Variants in CSGALNACT1 observed in about 807,000 individuals in gnomAD.
The protein encoded by CSGALNACT1 is chondroitin sulfate N-acetylgalactosaminyltransferase 1.
Under a neutral mutation model 51.0 loss-of-function variants are expected in CSGALNACT1, and 52 were observed. The observed-to-expected ratio is 1.02, with a 90% CI of 0.82 to 1.29. CSGALNACT1 has a LOEUF of 1.29. Among genes scored for constraint, CSGALNACT1 ranks in the 50% most tolerant of loss-of-function variants. CSGALNACT1 has a pLI of 0.00. For synonymous variants in CSGALNACT1, 341 were observed against 254.4 expected (o/e 1.34, Z -3.24); for missense variants, 935 against 679.2 (o/e 1.38, Z -4.19).
intron 4 of CSGALNACT1, among the ~76,000 whole-genome samples, chr8:19,467,687 C>G (rs7837315): frequency 6.6e-6 from 1 of 151,484 alleles, no homozygotes; most frequent in Non-Finnish European, 1.5e-5. Context: ...TATTCTATAT[C>G]AGAGATATAA....
chr8:19,433,821 A>G (rs1177238556), intron 6 of CSGALNACT1, among the ~76,000 whole-genome samples: 1 of 152,204 alleles, frequency 6.6e-6, no homozygotes, highest in African/African-American at 2.4e-5. Flanking sequence ...TAGTATTAGT[A>G]TATTTTATGT....
Position 19,463,292 on chromosome 8 carries a change from C to T in CSGALNACT1, c.635-4650G>A, listed in dbSNP as rs190307600. Among the ~76,000 whole-genome samples, 20 of 152,224 alleles carry T rather than the reference C, an allele frequency of 1.3e-4. No individual in the cohort carries two copies. In the East Asian group the frequency reaches 2.7e-3, roughly 21 times the overall value. ...AGCACAATTTCATCTCTTTTAAAAA[C>T]GTTATTTAAAACTCTCTTGCAACCT... is the stretch of plus-strand genomic sequence containing the variant. On this transcript the variant is annotated intron_variant, in intron 4 of 9. Coordinates refer to ENST00000454498, the Ensembl canonical transcript of CSGALNACT1.
intron 5 of CSGALNACT1, chr8:19,457,792 ACATCTAAAAACTT>A: frequency 7.4e-7 from 1 of 1,351,554 alleles, no homozygotes; most frequent in South Asian, 1.1e-5. Flanking sequence ...TTAAAGGCAC[ACATCTAAAAACTT>A]CATCAGCAGG....
At chr8:19,751,428 G>A (rs999585074) in intron 1 of CSGALNACT1, among the ~76,000 whole-genome samples, 9 of 152,168 alleles carry the variant, frequency 5.9e-5, no homozygotes, top group Non-Finnish European at 7.3e-5. Context: ...TGTGACAGAA[G>A]CGAAACAAGA....
chr8:19,654,751 C>T (rs190191817), intron 1 of CSGALNACT1, among the ~76,000 whole-genome samples: 1 of 152,096 alleles, frequency 6.6e-6, no homozygotes, highest in East Asian at 1.9e-4. Context: ...TGCTATGTTG[C>T]CCCGGCTAGT....
At chr8:19,571,439 T>C (rs1479940053) in intron 3 of CSGALNACT1, among the ~76,000 whole-genome samples, 15 of 147,884 alleles carry the variant, frequency 1.0e-4, no homozygotes, top group African/African-American at 3.8e-4. Flanking sequence ...AGAAAGCAAT[T>C]AAGAGTAGCC....
At chr8:19,426,398 T>C (rs2058781961) in intron 6 of CSGALNACT1, among the ~76,000 whole-genome samples, 1 of 152,144 alleles carries the variant, frequency 6.6e-6, no homozygotes, top group Non-Finnish European at 1.5e-5. Context: ...AGAAAAGAGA[T>C]GAGAAAAATA....
chr8:19,702,143 A>G (rs1213262566), intron 1 of CSGALNACT1, among the ~76,000 whole-genome samples: 3 of 152,046 alleles, frequency 2.0e-5, no homozygotes, highest in African/African-American at 7.2e-5. Flanking sequence ...TTCACCATCC[A>G]TCACACCACC....
chr8:19,658,213 C>T (rs1191104118), intron 1 of CSGALNACT1, among the ~76,000 whole-genome samples: 2 of 151,924 alleles, frequency 1.3e-5, no homozygotes, highest in African/African-American at 4.8e-5. Flanking sequence ...AAAGCAAAGG[C>T]CATGTGCACA....
At chr8:19,626,581 T>C (rs2054485372) in intron 1 of CSGALNACT1, among the ~76,000 whole-genome samples, 1 of 152,178 alleles carries the variant, frequency 6.6e-6, no homozygotes, top group Non-Finnish European at 1.5e-5. Context: ...AACATAAAAA[T>C]TTCAATTCAT....
intron 1 of CSGALNACT1, among the ~76,000 whole-genome samples, chr8:19,677,831 G>T (rs1208488865): frequency 6.6e-6 from 1 of 152,102 alleles, no homozygotes; most frequent in Non-Finnish European, 1.5e-5. Flanking sequence ...GCATAGGTAG[G>T]AATTTTTAGG....
intron 3 of CSGALNACT1, among the ~76,000 whole-genome samples, chr8:19,546,987 C>T (rs1290009534): frequency 6.6e-6 from 1 of 152,220 alleles, no homozygotes; most frequent in Admixed American, 6.5e-5. Flanking sequence ...TGCGTCTTCT[C>T]TAGAAATACC....
intron 7 of CSGALNACT1, among the ~76,000 whole-genome samples, chr8:19,419,138 G>A (rs923892218): frequency 4.6e-5 from 7 of 152,106 alleles, no homozygotes; most frequent in Admixed American, 2.0e-4. Flanking sequence ...GAGCCACTGC[G>A]CCCGGCCTGC....
intron 1 of CSGALNACT1, among the ~76,000 whole-genome samples, chr8:19,727,322 G>GTTTAA (rs2063455502): frequency 1.0e-5 from 1 of 95,696 alleles, no homozygotes; most frequent in South Asian, 4.6e-4. Context: ...GTTTTGTTTT[G>GTTTAA]TTTGATTTGG....
chr8:19,744,757 T>C (rs1025767512), intron 1 of CSGALNACT1, among the ~76,000 whole-genome samples: 1 of 152,228 alleles, frequency 6.6e-6, no homozygotes, highest in African/African-American at 2.4e-5. Flanking sequence ...GATTTGTCTA[T>C]TCACGAACAC....
At chr8:19,495,524 G>C (rs930287055) in intron 4 of CSGALNACT1, among the ~76,000 whole-genome samples, 3 of 152,148 alleles carry the variant, frequency 2.0e-5, no homozygotes, top group Non-Finnish European at 2.9e-5. Context: ...ACCTCGCAGG[G>C]ATCAGTGAGA....
At chr8:19,725,652 T>C (rs2063358147) in intron 1 of CSGALNACT1, among the ~76,000 whole-genome samples, 1 of 152,154 alleles carries the variant, frequency 6.6e-6, no homozygotes, top group Admixed American at 6.5e-5. Flanking sequence ...TTCGAACTCC[T>C]GACCTCGTGA....
rs528752568 is a variant in CSGALNACT1, at chr8:19,509,375, T to C, written c.-296-3245A>G. Among the ~76,000 whole-genome samples, 14 of 152,142 alleles carry C rather than the reference T, an allele frequency of 9.2e-5. No homozygotes were observed. The East Asian group carries it at 1.9e-3, about 21-fold the overall frequency. ...TGGCTCACACCTGTAATCCCAGCACTTTGGGAGGCCAAGACTGGCAGATCA... is the reference window on the plus strand; with the variant it reads ...TGGCTCACACCTGTAATCCCAGCACCTTGGGAGGCCAAGACTGGCAGATCA... On this transcript the variant is annotated intron_variant, in intron 3 of 9. Transcript: ENST00000454498.
chr8:19,661,756 C>A (rs939462222), intron 1 of CSGALNACT1, among the ~76,000 whole-genome samples: 17 of 152,134 alleles, frequency 1.1e-4, no homozygotes, highest in Non-Finnish European at 2.2e-4. Flanking sequence ...CAGGTAAGGT[C>A]TTCATTTCCA....
Sources: gnomAD v4.1 joint callset for allele counts (sites outside exome capture counted in the v4.1 genomes callset) on GRCh38, gnomAD v4.1.1 for gene constraint, MANE v1.5 for transcripts, NCBI Gene and HGNC (gene_info 2026-07-23, HGNC 2026-07-21) for gene names.